PIEZO1: variants seen among roughly 807,000 people sequenced by gnomAD.
PIEZO1 encodes the protein piezo-type mechanosensitive ion channel component 1.
PIEZO1 carries 296 observed loss-of-function variants against 297.2 expected under a neutral mutation model. The observed-to-expected ratio is 1.00, with a 90% CI of 0.91 to 1.10. The LOEUF is 1.10. Ranked by LOEUF, PIEZO1 falls within the 50% of genes least tolerant of loss-of-function variation. The pLI, the probability that PIEZO1 is intolerant of heterozygous loss-of-function variation, is 0.00. For missense variants in PIEZO1, 5,018 were observed against 3,455.5 expected, an observed-to-expected ratio of 1.45 and a Z score of -11.34; for synonymous variants, 2,427 against 1,507.5, an observed-to-expected ratio of 1.61 and a Z score of -14.13.
chr16:88,726,432 G>C lies in PIEZO1; in HGVS notation c.3820C>G (p.Gln1274Glu), dbSNP rs772005037. Reference sequence around the variant, plus strand: ...TCCTCCACAGGCAGCAGGCAGTCCTGGTCTCTGTCCATCATCTCCTTGGCT... The same window carrying C: ...TCCTCCACAGGCAGCAGGCAGTCCTCGTCTCTGTCCATCATCTCCTTGGCT... ...YDPKEMMDRDQDCLLPVEEAG... is the reference protein window; with the variant it reads ...YDPKEMMDRDEDCLLPVEEAG... The change falls in exon 27 of 51, where the codon CAG becomes GAG. Residue 1274 changes from glutamine to glutamate, a missense_variant. Coordinates refer to ENST00000301015, the MANE Select transcript of PIEZO1 (RefSeq NM_001142864.4). The C allele has an allele frequency of 1.8e-5, 28 of 1,550,330 alleles. 1 individual carries two copies. The highest frequency in any genetic ancestry group is 1.4e-4 in the South Asian group (12 of 84,064).
chr16:88,730,547 G>A (rs866753470), intron 22 of PIEZO1, among the ~76,000 whole-genome samples: 16 of 143,448 alleles, frequency 1.1e-4, no homozygotes, highest in African/African-American at 3.4e-4. Flanking sequence ...GCAGTGAGCC[G>A]AGATTGTGCC....
In PIEZO1 at chr16:88,721,386, C is replaced by G. The variant is rs956444056; in HGVS notation, c.5448G>C (p.Glu1816Asp). 12 of 1,549,956 alleles carry G rather than the reference C, an allele frequency of 7.7e-6. No homozygotes were observed. The highest frequency in any genetic ancestry group is 1.0e-5 in the Non-Finnish European group (12 of 1,146,856). The part of the protein sequence containing the change: ...WDHEEDSPSK[E>D]HDKSGEEEQG... Reference sequence around the variant, plus strand: ...GCTCCTCCTCGCCGCTCTTGTCATGCTCCTTGGATGGTGAGTCCTCCTCAT... The same window carrying G: ...GCTCCTCCTCGCCGCTCTTGTCATGGTCCTTGGATGGTGAGTCCTCCTCAT... The change falls in exon 39 of 51, where the codon GAG (glutamate) becomes GAC (aspartate). Residue 1816 changes from glutamate to aspartate, a missense_variant. Glu to Asp is a conservative substitution (Grantham distance 45, BLOSUM62 2). Coordinates refer to ENST00000301015, the MANE Select transcript of PIEZO1 (RefSeq NM_001142864.4).
intron 1 of PIEZO1, among the ~76,000 whole-genome samples, chr16:88,754,726 C>A (rs532003644): frequency 1.3e-5 from 2 of 152,218 alleles, no homozygotes; most frequent in Non-Finnish European, 2.9e-5. Context: ...ACAGCCGGTG[C>A]GGCCTGTGTG....
intron 1 of PIEZO1, among the ~76,000 whole-genome samples, chr16:88,774,244 G>C (rs75367959): frequency 1.3e-5 from 2 of 152,146 alleles, no homozygotes; most frequent in Non-Finnish European, 2.9e-5. Context: ...ATAAACTAGA[G>C]GTCCAGCCTG....
At chr16:88,735,507 G>C (rs950648064) in intron 12 of PIEZO1, among the ~76,000 whole-genome samples, 1 of 152,386 alleles carries the variant, frequency 6.6e-6, no homozygotes. Context: ...GGGTTCACTA[G>C]TTCACGTGGG....
rs1331506114 is a variant in PIEZO1 at position 88,727,085 on chromosome 16, G to A, written c.3409C>T (p.Pro1137Ser). ...MAGVNTDRLE[P>S]LRGEPNPVPN... ...ACGGGGTTGGGCTCCCCCCGCAGCG[G>A]CTCCAGGCGGTCGGTGTTGACGCCA... Residue 1137 changes from proline to serine, a missense_variant, in exon 24 of 51, where the codon CCG becomes TCG. By Grantham distance (74) the Pro-to-Ser change is moderately conservative (BLOSUM62 -1). Coordinates refer to ENST00000301015, the MANE Select transcript of PIEZO1 (RefSeq NM_001142864.4). 1.9e-6 allele frequency: 3 copies of A among 1,549,686 alleles called. No homozygotes were observed. Among genetic ancestry groups the A allele is most frequent in the African/African-American group, 1.4e-5 (1 of 73,044 alleles).
Position 88,785,019 on chromosome 16 carries a change from G to T in PIEZO1, c.-55C>A. 9.0e-7 allele frequency: 1 copy of T among 1,111,248 alleles called. No individual in the cohort carries two copies. Among genetic ancestry groups the T allele is most frequent in the Non-Finnish European group, 1.1e-6 (1 of 889,714 alleles). 68.8% of individuals were successfully genotyped at this position (1,111,248 alleles called of 1,614,324 possible). A position where few individuals can be genotyped will look rare whatever the true frequency, so the allele number is the denominator to read the frequency against. ...CGAGCGGACGCCGCGGCGCTATGGG[G>T]CGGTGCGGGGGCCCCGGGGCCGGCG... On this transcript the variant is annotated 5_prime_UTR_variant, in exon 1 of 51. Transcript: ENST00000301015.
At chr16:88,723,046 C>A (rs1404584330) in intron 33 of PIEZO1, 37 bp from the exon 34 acceptor site, 2 of 1,543,942 alleles carry the variant, frequency 1.3e-6, no homozygotes, top group East Asian at 4.9e-5. Flanking sequence ...GAGGGGCAGC[C>A]TGTGGGGCCA....
intron 1 of PIEZO1, among the ~76,000 whole-genome samples, chr16:88,779,691 T>A (rs115847701): frequency 6.6e-6 from 1 of 152,140 alleles, no homozygotes; most frequent in African/African-American, 2.4e-5. Context: ...GTGTGCAGCA[T>A]GAGGGAGGCC....
intron 1 of PIEZO1, among the ~76,000 whole-genome samples, chr16:88,764,239 G>A (rs1485020886): frequency 6.6e-6 from 1 of 152,120 alleles, no homozygotes; most frequent in Non-Finnish European, 1.5e-5. Context: ...ACAGGAGATG[G>A]GGTCCTCTTG....
intron 1 of PIEZO1, among the ~76,000 whole-genome samples, chr16:88,768,142 C>T (rs1907258191): frequency 6.6e-6 from 1 of 152,208 alleles, no homozygotes; most frequent in Non-Finnish European, 1.5e-5. Flanking sequence ...CCCAGCCAAC[C>T]TCACGGGCCC....
At chr16:88,718,660 AG>A in intron 44 of PIEZO1, 1 of 152,340 alleles carries the variant, frequency 6.6e-6, no homozygotes. Context: ...AGGGGTTACT[AG>A]GGGCCAGGGG....
At chr16:88,770,309 C>T (rs891509065) in intron 1 of PIEZO1, among the ~76,000 whole-genome samples, 3 of 152,200 alleles carry the variant, frequency 2.0e-5, no homozygotes, top group African/African-American at 7.2e-5. Flanking sequence ...CCCCCATGAC[C>T]CGGTCACACC....
chr16:88,737,032 C>G, intron 10 of PIEZO1: 1 of 329,080 alleles, frequency 3.0e-6, no homozygotes, highest in Non-Finnish European at 5.6e-6. Flanking sequence ...AGGACCCCCA[C>G]CCCAGGGCCG....
At chr16:88,726,481 C>G (rs1904441850) in intron 26 of PIEZO1, 26 bp from the exon 27 acceptor site, 2 of 1,548,720 alleles carry the variant, frequency 1.3e-6, no homozygotes, top group Non-Finnish European at 1.7e-6. Flanking sequence ...CGGCAAGGGT[C>G]AGGCCCAGGG....
At chr16:88,752,904 T>C (rs11649577) in intron 1 of PIEZO1, among the ~76,000 whole-genome samples, 20 of 150,092 alleles carry the variant, frequency 1.3e-4, no homozygotes, top group African/African-American at 2.5e-4. Flanking sequence ...ATCCATTCAT[T>C]CATTCATTCA....
intron 1 of PIEZO1, 56 bp downstream of exon 1, chr16:88,784,845 G>T (rs1908105106): frequency 2.4e-6 from 3 of 1,259,204 alleles, no homozygotes; most frequent in Non-Finnish European, 3.2e-6. Flanking sequence ...TCCAGGCCGT[G>T]GGGAGCCGAG....
chr16:88,720,535 G>A lies in PIEZO1; in HGVS notation c.5802-3C>T. The stretch of plus-strand genomic sequence containing the variant: ...GCGGCCGATATGTGCCCTGGGCCCT[G>A]CGGAAGGGGGCGCTCAGCCTGGGCC... On this transcript the variant is annotated splice_polypyrimidine_tract_variant and splice_region_variant and intron_variant, in intron 40 of 50. Coordinates refer to ENST00000301015, the MANE Select transcript of PIEZO1 (RefSeq NM_001142864.4). 1 of 1,549,524 alleles carries A rather than the reference G, an allele frequency of 6.5e-7. No homozygotes were observed. Among genetic ancestry groups the A allele is most frequent in the Non-Finnish European group, 8.7e-7 (1 of 1,146,862 alleles).
chr16:88,721,039 G>A, intron 39 of PIEZO1, 127 bp downstream of exon 39: 2 of 1,011,028 alleles, frequency 2.0e-6, no homozygotes, highest in South Asian at 3.5e-5. Context: ...CTCAGAAGTG[G>A]CACCTTCCTG....
Sources: allele counts gnomAD v4.1 joint callset (sites outside exome capture counted in the v4.1 genomes callset), GRCh38; gene constraint gnomAD v4.1.1; transcripts MANE v1.5; gene names NCBI Gene and HGNC (gene_info 2026-07-23, HGNC 2026-07-21).